The following NR4A3 variants were observed in gnomAD, a reference collection of about 807,000 sequenced individuals.
The protein encoded by NR4A3 is chondrosarcoma, extraskeletal myxoid, fused to EWS.
NR4A3 carries 13 observed loss-of-function variants against 55.6 expected under a neutral mutation model. The observed-to-expected ratio is 0.23, with a 90% CI of 0.15 to 0.37. The LOEUF (loss-of-function observed/expected upper bound fraction) is 0.37. Ranked by LOEUF, NR4A3 falls within the 10% of genes least tolerant of loss-of-function variation. NR4A3 has a pLI of 1.00. For synonymous variants in NR4A3, 342 were observed against 357.9 expected (o/e 0.96, Z 0.50); for missense variants, 646 against 822.8 (o/e 0.79, Z 2.63).
intron 6 of NR4A3, among the ~76,000 whole-genome samples, chr9:99,845,191 T>C (rs1397426144): frequency 6.6e-6 from 1 of 152,224 alleles, no homozygotes; most frequent in Non-Finnish European, 1.5e-5. Context: ...CGAAAGATTC[T>C]CATAGTGCAT....
At chr9:99,826,771 A>G (rs749738779) in intron 2 of NR4A3, 3 of 1,613,998 alleles carry the variant, frequency 1.9e-6, no homozygotes, top group Admixed American at 1.7e-5. Flanking sequence ...CATCCCATAC[A>G]TGCATGACTC....
At chr9:99,823,573 A>G (rs1827224348) in intron 1 of NR4A3, among the ~76,000 whole-genome samples, 1 of 152,162 alleles carries the variant, frequency 6.6e-6, no homozygotes. Flanking sequence ...CGACCGGGAA[A>G]TATTTTATAG....
intron 3 of NR4A3, among the ~76,000 whole-genome samples, chr9:99,832,235 G>A (rs1827458746): frequency 6.6e-6 from 1 of 152,062 alleles, no homozygotes; most frequent in Non-Finnish European, 1.5e-5. Flanking sequence ...TTTCATCTCT[G>A]TTGGGTAACA....
chr9:99,843,217 C>T (rs1413636468), intron 5 of NR4A3, among the ~76,000 whole-genome samples: 4 of 152,202 alleles, frequency 2.6e-5, no homozygotes, highest in Admixed American at 1.3e-4. Context: ...AATAGACCTC[C>T]CCTCAGTGAT....
In NR4A3 at chr9:99,833,922, G is replaced by A. The variant is rs532087506; in HGVS notation, c.1254+468G>A. 36 of 1,186,282 alleles carry A rather than the reference G, an allele frequency of 3.0e-5. No homozygotes were observed. In the South Asian group the frequency reaches 4.8e-4, roughly 16 times the overall value. The allele number at this position is 1,186,282 out of a possible 1,614,324, so 73.5% of individuals were successfully genotyped here. A position where few individuals can be genotyped will look rare whatever the true frequency, so the allele number is the denominator to read the frequency against. ...GATTAGACCATTGGTGGAGAGAAGCGAGCTCTGGCTGTGACATCAGTTGTC... is the reference window on the plus strand; with the variant it reads ...GATTAGACCATTGGTGGAGAGAAGCAAGCTCTGGCTGTGACATCAGTTGTC... On this transcript the variant is annotated intron_variant, in intron 5 of 7. Coordinates refer to ENST00000395097, the MANE Select transcript of NR4A3 (RefSeq NM_006981.4).
chr9:99,846,828 A>G (rs895028224), intron 6 of NR4A3, among the ~76,000 whole-genome samples: 1 of 152,128 alleles, frequency 6.6e-6, no homozygotes, highest in Non-Finnish European at 1.5e-5. Flanking sequence ...TTGTATTTTT[A>G]GTAGAGATTG....
At chr9:99,850,741 A>G (rs1827834353) in intron 7 of NR4A3, among the ~76,000 whole-genome samples, 1 of 152,228 alleles carries the variant, frequency 6.6e-6, no homozygotes, top group African/African-American at 2.4e-5. Flanking sequence ...TGGGGATAAC[A>G]ATGTCTATGT....
In NR4A3 at chr9:99,828,804, G is replaced by T; in HGVS notation, c.762G>T (p.Leu254=). The change falls in exon 3 of 8, where the codon CTG becomes CTT. Residue 254 remains leucine, a synonymous_variant. Coordinates refer to ENST00000395097, the MANE Select transcript of NR4A3 (RefSeq NM_006981.4). This position sits in a 1 kb window ranked among gnomAD's most constrained non-coding sequence, Gnocchi z 7.7. ...CGCTGGCCAAGAGGGCGGCCCCGCT[G>T]GCCTTCCCGCCTCTCGGCCTCACGC... is the stretch of plus-strand genomic sequence containing the variant. The part of the protein sequence containing the change: ...GLPLAKRAAP[L]AFPPLGLTPS... The T allele has an allele frequency of 1.4e-6, 2 of 1,471,346 alleles. No individual in the cohort carries two copies. The highest frequency in any genetic ancestry group is 1.8e-6 in the Non-Finnish European group (2 of 1,115,586). The allele number at this position is 1,471,346 out of a possible 1,614,324, so 91.1% of individuals were successfully genotyped here.
intron 7 of NR4A3, among the ~76,000 whole-genome samples, chr9:99,862,908 A>G (rs1828032886): frequency 6.6e-6 from 1 of 152,080 alleles, no homozygotes; most frequent in African/African-American, 2.4e-5. Flanking sequence ...TGGCTTTTCC[A>G]TCTCCACAGC....
At chr9:99,846,646 TTTTTGTTTTG>T (rs1267245875) in intron 6 of NR4A3, among the ~76,000 whole-genome samples, 1 of 152,130 alleles carries the variant, frequency 6.6e-6, no homozygotes, top group African/African-American at 2.4e-5. Context: ...AGGGACTTGA[TTTTTGTTTTG>T]TTTTGTTTTG....
chr9:99,833,355 A>G lies in NR4A3; in HGVS notation c.1155A>G (p.Glu385=). The change falls in exon 5 of 8, where the codon GAA becomes GAG. Residue 385 remains glutamate (E), a synonymous_variant. Transcript: ENST00000395097. ...PSKPKSPLQQ[E]PSQPSPPSPP... is the part of the protein sequence containing the mutation. ...AACCAAAGAGCCCATTACAACAGGA[A>G]CCTTCTCAGCCCTCTCCACCTTCTC... The G allele has an allele frequency of 6.2e-7, 1 of 1,614,088 alleles. No homozygotes were observed. Among genetic ancestry groups the G allele is most frequent in the Non-Finnish European group, 8.5e-7 (1 of 1,179,964 alleles).
chr9:99,833,247 T>C (rs1324473369), intron 4 of NR4A3, 35 bp from the exon 5 acceptor site: 1 of 1,553,910 alleles, frequency 6.4e-7, no homozygotes, highest in African/African-American at 1.4e-5. Context: ...TCCATAATCT[T>C]TGAAGATTGT....
intron 5 of NR4A3, among the ~76,000 whole-genome samples, chr9:99,838,499 A>G (rs748049565): frequency 6.6e-6 from 1 of 152,260 alleles, no homozygotes; most frequent in Non-Finnish European, 1.5e-5. Flanking sequence ...CCAATTCACC[A>G]GATGATTTCA....
chr9:99,837,582 G>GT (rs201582739), intron 5 of NR4A3, among the ~76,000 whole-genome samples: 2,650 of 150,322 alleles, frequency 0.018, 78 homozygotes, highest in African/African-American at 0.061. Flanking sequence ...ATCCATTGGG[G>GT]TTTTTTTTTA....
intron 7 of NR4A3, among the ~76,000 whole-genome samples, chr9:99,850,285 G>C (rs1827825315): frequency 6.6e-6 from 1 of 152,140 alleles, no homozygotes; most frequent in Admixed American, 6.5e-5. Context: ...GAGTGAGAAA[G>C]AATCTAAGAG....
intron 6 of NR4A3, among the ~76,000 whole-genome samples, chr9:99,845,900 C>T (rs114997281): frequency 1.6e-3 from 240 of 152,270 alleles, no homozygotes; most frequent in African/African-American, 5.6e-3. Flanking sequence ...CCAGTAATAG[C>T]TTAATTTGTA....
chr9:99,827,998 G>A, intron 2 of NR4A3, 43 bp from the exon 3 acceptor site: 1 of 1,572,552 alleles, frequency 6.4e-7, no homozygotes, highest in Non-Finnish European at 8.6e-7. Context: ...TAGAAAACAA[G>A]TGTTAACTTG....
rs1025733088 is a variant in NR4A3, at chr9:99,822,922, G to A, written c.-177+515G>A. Among the ~76,000 whole-genome samples the A allele has an allele frequency of 2.0e-5, 3 of 152,306 alleles. No homozygotes were observed. The highest frequency in any genetic ancestry group is 2.1e-4 in the South Asian group (1 of 4,820). ...CTCTGGAAGGAAGCTTAGGAGGGAAGGGCCTAGGCAGCGACGGCCAGAGTT... is the reference window on the plus strand; with the variant it reads ...CTCTGGAAGGAAGCTTAGGAGGGAAAGGCCTAGGCAGCGACGGCCAGAGTT... On this transcript the variant is annotated intron_variant, in intron 1 of 7. Coordinates refer to ENST00000395097, the MANE Select transcript of NR4A3 (RefSeq NM_006981.4). The surrounding 1 kb of genome is among the most constrained non-coding windows in gnomAD (Gnocchi z 4.9).
At chr9:99,857,287 G>A (rs1215379940) in intron 7 of NR4A3, among the ~76,000 whole-genome samples, 2 of 152,170 alleles carry the variant, frequency 1.3e-5, no homozygotes, top group Non-Finnish European at 2.9e-5. Context: ...TTAGAGACGT[G>A]GCTGATTTGA....
Sources: allele counts gnomAD v4.1 joint callset (sites outside exome capture counted in the v4.1 genomes callset), GRCh38; gene constraint gnomAD v4.1.1; non-coding constraint Gnocchi (gnomAD v3.1); transcripts MANE v1.5; gene names NCBI Gene and HGNC (gene_info 2026-07-23, HGNC 2026-07-21).